Variants in PDE1A observed in about 807,000 individuals in gnomAD.
PDE1A encodes dual specificity calcium/calmodulin-dependent 3',5'-cyclic nucleotide phosphodiesterase 1A.
A neutral mutation model predicts 61.7 loss-of-function variants in PDE1A; 35 were observed. The observed-to-expected ratio is 0.57, with a 90% CI of 0.43 to 0.75. The LOEUF is 0.75. Ranked by LOEUF, PDE1A falls within the 30% of genes least tolerant of loss-of-function variation. The pLI, the probability that PDE1A is intolerant of heterozygous loss-of-function variation, is 0.00. For missense variants in PDE1A, 597 were observed against 630.6 expected, an observed-to-expected ratio of 0.95 and a Z score of 0.57; for synonymous variants, 232 against 213.2, an observed-to-expected ratio of 1.09 and a Z score of -0.77.
At chr2:182,356,427 A>T (rs1012275793) in intron 1 of PDE1A, among the ~76,000 whole-genome samples, 1 of 152,210 alleles carries the variant, frequency 6.6e-6, no homozygotes, top group Non-Finnish European at 1.5e-5. Flanking sequence ...GTAATTATTA[A>T]TGTATTAATA....
intron 2 of PDE1A, among the ~76,000 whole-genome samples, chr2:182,513,626 G>T (rs757024141): frequency 6.6e-6 from 1 of 152,134 alleles, no homozygotes; most frequent in Non-Finnish European, 1.5e-5. Context: ...CAGGCTAAAC[G>T]CCCCACTTAA....
At chr2:182,267,428 TGCAC>T (rs1479002406) in intron 1 of PDE1A, among the ~76,000 whole-genome samples, 2 of 87,172 alleles carry the variant, frequency 2.3e-5, no homozygotes, top group Non-Finnish European at 2.1e-5. Flanking sequence ...CATGCACACA[TGCAC>T]ACACACACAC....
chr2:182,601,312 G>T, the PDE1A span, among the ~76,000 whole-genome samples: 2 of 152,214 alleles, frequency 1.3e-5, no homozygotes, highest in Non-Finnish European at 2.9e-5. Context: ...GCTGCAGCTG[G>T]ACCAGCTACA....
chr2:182,650,203 G>A, the PDE1A span, among the ~76,000 whole-genome samples: 2 of 152,058 alleles, frequency 1.3e-5, no homozygotes, highest in Non-Finnish European at 2.9e-5. Context: ...AAGGGCACAG[G>A]GTCTCAGACT....
At chr2:182,603,001 A>ACATG in the PDE1A span, among the ~76,000 whole-genome samples, 1 of 148,906 alleles carries the variant, frequency 6.7e-6, no homozygotes, top group Non-Finnish European at 1.5e-5. Flanking sequence ...ACACATACAT[A>ACATG]CATACATACA....
chr2:182,201,762 C>A (rs868646340), exon 9 of PDE1A: 2 of 1,609,506 alleles, frequency 1.2e-6, no homozygotes, highest in Middle Eastern at 3.3e-4. Context: ...TAGATAAAAC[C>A]ATTTCAATCA....
the PDE1A span, among the ~76,000 whole-genome samples, chr2:182,687,448 T>A: frequency 6.6e-6 from 1 of 151,956 alleles, no homozygotes; most frequent in South Asian, 2.1e-4. Flanking sequence ...TCCAGCAAAC[T>A]CCAACAGACC....
chr2:182,186,605 G>A lies in PDE1A; in HGVS notation c.1208-17C>T, dbSNP rs374845017. On this transcript the variant is annotated splice_polypyrimidine_tract_variant and intron_variant, in intron 11 of 13. Transcript: ENST00000351439. ...CGATGAAACCTACAAAAGCCAAAAT[G>A]AGAAGAGAGAGAGATAAATTCAAGT... The A allele has an allele frequency of 9.5e-6, 15 of 1,580,528 alleles. No individual in the cohort carries two copies. In the Admixed American group the frequency reaches 1.9e-4, roughly 20 times the overall value.
intron 13 of PDE1A, 118 bp downstream of exon 13, chr2:182,185,774 A>G (rs1292906949): frequency 5.9e-6 from 9 of 1,536,282 alleles, no homozygotes; most frequent in Non-Finnish European, 7.0e-6. Context: ...CAAATTCCCA[A>G]TACCATCAAG....
the PDE1A span, among the ~76,000 whole-genome samples, chr2:182,602,263 C>A: frequency 2.0e-5 from 3 of 152,190 alleles, no homozygotes; most frequent in Non-Finnish European, 4.4e-5. Context: ...GAGCTTCTGC[C>A]CCAACTCAGA....
chr2:182,390,742 T>A (rs1281806085), intron 1 of PDE1A, among the ~76,000 whole-genome samples: 4 of 152,192 alleles, frequency 2.6e-5, no homozygotes, highest in African/African-American at 9.7e-5. Flanking sequence ...TGGAAAAGAA[T>A]GGGTCCCTGC....
At chr2:182,702,823 G>A in the PDE1A span, among the ~76,000 whole-genome samples, 1 of 152,182 alleles carries the variant, frequency 6.6e-6, no homozygotes, top group Admixed American at 6.5e-5. Flanking sequence ...ACATTGGTAT[G>A]ATTGGGTTAA....
chr2:182,384,550 G>C (rs1700920414), intron 1 of PDE1A, among the ~76,000 whole-genome samples: 1 of 151,084 alleles, frequency 6.6e-6, no homozygotes, highest in African/African-American at 2.4e-5. Context: ...AAATGCTATA[G>C]AGAGTAAATT....
intron 2 of PDE1A, among the ~76,000 whole-genome samples, chr2:182,497,400 G>A (rs1278957648): frequency 1.1e-4 from 17 of 152,168 alleles, no homozygotes; most frequent in Admixed American, 1.1e-3. Flanking sequence ...GAAGCAGAGT[G>A]GTGCTGAAAG....
chr2:182,468,286 G>A (rs1265164287), intron 2 of PDE1A, among the ~76,000 whole-genome samples: 1 of 151,936 alleles, frequency 6.6e-6, no homozygotes, highest in Non-Finnish European at 1.5e-5. Flanking sequence ...CTCTGCCATT[G>A]CTTTCTTAAC....
At chr2:182,345,268 C>G (rs1488767239) in intron 1 of PDE1A, among the ~76,000 whole-genome samples, 1 of 152,222 alleles carries the variant, frequency 6.6e-6, no homozygotes, top group Non-Finnish European at 1.5e-5. Flanking sequence ...ATGTCCCCAT[C>G]TTGGTGAACG....
chr2:182,304,492 GAC>G (rs1450659718), intron 1 of PDE1A, among the ~76,000 whole-genome samples: 2 of 152,202 alleles, frequency 1.3e-5, no homozygotes, highest in Admixed American at 1.3e-4. Flanking sequence ...TGGCATAAGA[GAC>G]ATAGTTTTTG....
chr2:182,700,971 TA>T, the PDE1A span, among the ~76,000 whole-genome samples: 11 of 151,924 alleles, frequency 7.2e-5, no homozygotes, highest in African/African-American at 2.4e-4. Flanking sequence ...AGTTTTCATT[TA>T]AAAAAAATCT....
chr2:182,385,323 G>A (rs1462859175), intron 1 of PDE1A, among the ~76,000 whole-genome samples: 1 of 152,034 alleles, frequency 6.6e-6, no homozygotes, highest in Non-Finnish European at 1.5e-5. Flanking sequence ...AAGGTTGACA[G>A]TCAAAACTAT....
Sources: gnomAD v4.1 joint callset for allele counts (sites outside exome capture counted in the v4.1 genomes callset) on GRCh38, gnomAD v4.1.1 for gene constraint, MANE v1.5 for transcripts, NCBI Gene and HGNC (gene_info 2026-07-23, HGNC 2026-07-21) for gene names.